Variants in CADM1 observed in about 807,000 individuals in gnomAD.
The protein encoded by CADM1 is TSLC-1.
Under a neutral mutation model 53.1 loss-of-function variants are expected in CADM1, and 15 were observed. The observed-to-expected ratio is 0.28, with a 90% CI of 0.19 to 0.44. The LOEUF (loss-of-function observed/expected upper bound fraction) is 0.44, where lower values mean the gene tolerates loss of function less well. Among genes scored for constraint, CADM1 ranks in the 20% least tolerant of loss-of-function variants. CADM1 has a pLI of 1.00. For missense variants in CADM1, 434 were observed against 611.3 expected, an observed-to-expected ratio of 0.71 and a Z score of 3.06; for synonymous variants, 281 against 243.0, an observed-to-expected ratio of 1.16 and a Z score of -1.45.
chr11:115,326,893 TATCTGAGAGGACTGTATAAAATTAGA>T (rs1944972704), intron 1 of CADM1, among the ~76,000 whole-genome samples: 1 of 152,192 alleles, frequency 6.6e-6, no homozygotes, highest in Non-Finnish European at 1.5e-5. Context: ...TCAAATATGT[TATCTGAGAGGACTGTATAAAATTAGA>T]ATCTTTTTTA....
chr11:115,475,813 G>C (rs1168977544), intron 1 of CADM1, among the ~76,000 whole-genome samples: 2 of 152,150 alleles, frequency 1.3e-5, no homozygotes, highest in Admixed American at 1.3e-4. Flanking sequence ...ACCATGAGGG[G>C]ATCCGGGTGA....
intron 1 of CADM1, among the ~76,000 whole-genome samples, chr11:115,394,429 T>C (rs1330002848): frequency 6.6e-6 from 1 of 152,052 alleles, no homozygotes; most frequent in African/African-American, 2.4e-5. Flanking sequence ...GGGAAAATCA[T>C]GTTTACAAGA....
intron 1 of CADM1, among the ~76,000 whole-genome samples, chr11:115,267,037 G>T (rs1056665618): frequency 6.6e-6 from 1 of 152,140 alleles, no homozygotes; most frequent in Non-Finnish European, 1.5e-5. Context: ...TAACAATTAT[G>T]CACTGCAGCA....
intron 1 of CADM1, among the ~76,000 whole-genome samples, chr11:115,474,193 A>T (rs545280602): frequency 6.4e-4 from 93 of 144,296 alleles, no homozygotes; most frequent in Middle Eastern, 7.4e-3. Flanking sequence ...CTGGAGGCTG[A>T]GGCAGGAGAA....
rs1404945496 is a variant in CADM1 at position 115,174,268 on chromosome 11, TTTTTTTTTTTG to T, written c.*2195_*2205del. 79 of 409,432 alleles carry T rather than the reference TTTTTTTTTTTG, an allele frequency of 1.9e-4. No homozygotes were observed. Among genetic ancestry groups the T allele is most frequent in the Admixed American group, 6.2e-4 (3 of 4,866 alleles). 25.4% of individuals were successfully genotyped at this position (409,432 alleles called of 1,614,324 possible). A position where few individuals can be genotyped will look rare whatever the true frequency, so the allele number is the denominator to read the frequency against. On this transcript the variant is annotated 3_prime_UTR_variant, in exon 12 of 12. Coordinates refer to ENST00000331581, the MANE Select transcript of CADM1 (RefSeq NM_001301043.2). Reference sequence around the variant, plus strand: ...CCAATTCTGTGAGCAATGGTGTGATTTTTTTTTTTTGTTTTTGTTTTTGTTTTTCTTTTTTT... The same window carrying T: ...CCAATTCTGTGAGCAATGGTGTGATTTTTTTGTTTTTGTTTTTCTTTTTTT...
At chr11:115,452,269 T>C (rs571121911) in intron 1 of CADM1, among the ~76,000 whole-genome samples, 1 of 152,160 alleles carries the variant, frequency 6.6e-6, no homozygotes, top group African/African-American at 2.4e-5. Context: ...GACCCAAGAT[T>C]TCCTCTGATT....
At chr11:115,418,697 T>C (rs552761896) in intron 1 of CADM1, among the ~76,000 whole-genome samples, 1 of 152,230 alleles carries the variant, frequency 6.6e-6, no homozygotes, top group African/African-American at 2.4e-5. Context: ...AAATTAAATA[T>C]ACCACATTAA....
intron 1 of CADM1, among the ~76,000 whole-genome samples, chr11:115,466,928 G>T (rs2135383911): frequency 6.6e-6 from 1 of 152,266 alleles, no homozygotes; most frequent in East Asian, 1.9e-4. Flanking sequence ...AAACCTGTGA[G>T]TACATCACTT....
In CADM1 at chr11:115,413,693, G is replaced by A. The variant is rs571481189; in HGVS notation, c.124+90578C>T. On this transcript the variant is annotated intron_variant, in intron 1 of 11. Coordinates refer to ENST00000331581, the MANE Select transcript of CADM1 (RefSeq NM_001301043.2). The stretch of plus-strand genomic sequence containing the variant: ...AGAGTCTTGCTCTGTCGCCCAGGCT[G>A]GAATGCAGTGGTGCAATCTTGGCTC... Among the ~76,000 whole-genome samples, 215 of 145,540 alleles carry A rather than the reference G, an allele frequency of 1.5e-3. 1 individual carries two copies. The highest frequency in any genetic ancestry group is 5.1e-3 in the African/African-American group (203 of 39,602).
At chr11:115,286,107 T>C (rs1303987417) in intron 1 of CADM1, among the ~76,000 whole-genome samples, 2 of 152,052 alleles carry the variant, frequency 1.3e-5, no homozygotes, top group East Asian at 3.8e-4. Context: ...CTAAAAGAGG[T>C]GGTAGTTTAG....
chr11:115,363,024 C>T (rs1412736006), intron 1 of CADM1, among the ~76,000 whole-genome samples: 1 of 152,128 alleles, frequency 6.6e-6, no homozygotes, highest in Non-Finnish European at 1.5e-5. Flanking sequence ...ATCTCATTCA[C>T]CAATTTCAAG....
chr11:115,234,893 CAAAAAAAAAA>C lies in CADM1; in HGVS notation c.425-3413_425-3404del, dbSNP rs57197514. The stretch of plus-strand genomic sequence containing the variant: ...GGGCGACACAGGGAGACTCCGTCTC[CAAAAAAAAAA>C]AAAAAAAAAAAAAAAAAATTTGCCC... On this transcript the variant is annotated intron_variant, in intron 3 of 11. Transcript: ENST00000331581. Among the ~76,000 whole-genome samples, 3 of 75,388 alleles carry C rather than the reference CAAAAAAAAAA, an allele frequency of 4.0e-5. 1 individual carries two copies. Among genetic ancestry groups the C allele is most frequent in the East Asian group, 7.7e-4 (2 of 2,604 alleles). 49.5% of individuals were successfully genotyped at this position (75,388 alleles called of 152,430 possible).
chr11:115,455,107 T>C (rs1948654069), intron 1 of CADM1, among the ~76,000 whole-genome samples: 3 of 152,160 alleles, frequency 2.0e-5, no homozygotes, highest in Non-Finnish European at 4.4e-5. Context: ...TCTAGACTCT[T>C]TATCAGATAC....
chr11:115,401,832 A>G (rs1027396744), intron 1 of CADM1, among the ~76,000 whole-genome samples: 1 of 152,198 alleles, frequency 6.6e-6, no homozygotes, highest in Admixed American at 6.5e-5. Context: ...AGGTTCATCA[A>G]CTGCAACAAA....
intron 1 of CADM1, among the ~76,000 whole-genome samples, chr11:115,289,145 A>G (rs2135102681): frequency 6.6e-6 from 1 of 152,278 alleles, no homozygotes; most frequent in Admixed American, 6.5e-5. Flanking sequence ...CGGGCAGATC[A>G]CTTAAGGTCA....
At chr11:115,207,167 T>G (rs1002668177) in intron 8 of CADM1, 2 of 152,150 alleles carry the variant, frequency 1.3e-5, no homozygotes, top group Non-Finnish European at 2.9e-5. Context: ...TTAGTAGCAA[T>G]TTTAGTTTAA....
At chr11:115,181,363 C>T (rs1939304786) in intron 10 of CADM1, among the ~76,000 whole-genome samples, 1 of 152,086 alleles carries the variant, frequency 6.6e-6, no homozygotes, top group South Asian at 2.1e-4. Flanking sequence ...TGCACTTTGC[C>T]CAAATTAAAC....
At chr11:115,483,337 C>T (rs767352211) in intron 1 of CADM1, among the ~76,000 whole-genome samples, 1 of 152,182 alleles carries the variant, frequency 6.6e-6, no homozygotes, top group Non-Finnish European at 1.5e-5. Context: ...ATTTCACTCA[C>T]TTTCAGCATC....
chr11:115,363,713 A>G (rs1206626313), intron 1 of CADM1: 1 of 152,184 alleles, frequency 6.6e-6, no homozygotes, highest in Non-Finnish European at 1.5e-5. Flanking sequence ...TTCTTGGACT[A>G]TTTTAGTGCT....
Sources: gnomAD v4.1 joint callset for allele counts (sites outside exome capture counted in the v4.1 genomes callset) on GRCh38, gnomAD v4.1.1 for gene constraint, MANE v1.5 for transcripts, NCBI Gene and HGNC (gene_info 2026-07-23, HGNC 2026-07-21) for gene names.